SLC36A1: variants seen among roughly 807,000 people sequenced by gnomAD.
The protein encoded by SLC36A1 is solute carrier family 36 member 1, also known as proton-coupled amino acid transporter 1.
A neutral mutation model predicts 47.5 loss-of-function variants in SLC36A1; 30 were observed. The ratio of observed to expected loss-of-function variants is 0.63; its 90% confidence interval spans 0.47 to 0.86. The LOEUF (loss-of-function observed/expected upper bound fraction) is 0.86. Ranked by LOEUF, SLC36A1 falls within the 40% of genes least tolerant of loss-of-function variation. The probability of loss-of-function intolerance (pLI) is 0.00; values close to 1 mark genes in which losing one functional copy is unlikely to be tolerated. For missense variants in SLC36A1, 517 were observed against 606.0 expected (o/e 0.85, Z 1.54); for synonymous variants, 255 against 249.7 (o/e 1.02, Z -0.20).
At chr5:151,434,671 G>GA (rs148887813), upstream of SLC36A1, among the ~76,000 whole-genome samples, 182 of 152,254 alleles carry the variant, frequency 1.2e-3, no homozygotes, top group Non-Finnish European at 2.3e-3. Flanking sequence ...TAAGAAGGGG[G>GA]ATCTCTGGGA....
At chr5:151,397,026 T>C in the SLC36A1 span, among the ~76,000 whole-genome samples, 1 of 152,234 alleles carries the variant, frequency 6.6e-6, no homozygotes, top group African/African-American at 2.4e-5. Context: ...GTGAATTGTG[T>C]GCCATAAGCA....
At chr5:151,355,005 T>C in the SLC36A1 span, among the ~76,000 whole-genome samples, 1 of 152,128 alleles carries the variant, frequency 6.6e-6, no homozygotes, top group African/African-American at 2.4e-5. Flanking sequence ...AGGGAGACCA[T>C]GGTAAGTCCT....
At chr5:151,366,992 C>T in the SLC36A1 span, among the ~76,000 whole-genome samples, 2 of 152,066 alleles carry the variant, frequency 1.3e-5, no homozygotes, top group Non-Finnish European at 2.9e-5. Context: ...CTTCAAAGTG[C>T]AAAAAGCAGA....
the SLC36A1 span, among the ~76,000 whole-genome samples, chr5:151,350,385 C>A: frequency 6.6e-6 from 1 of 152,172 alleles, no homozygotes; most frequent in Non-Finnish European, 1.5e-5. Context: ...AGAGACAGAG[C>A]TTTGATTGGA....
rs143222532 is a variant in SLC36A1, at chr5:151,471,475, A to T, written c.724-2198A>T. 2.6e-5 allele frequency among the ~76,000 whole-genome samples: 4 copies of T among 152,274 alleles called. No homozygotes were observed. The East Asian group carries it at 7.7e-4, about 29-fold the overall frequency. On this transcript the variant is annotated intron_variant, in intron 7 of 10. Coordinates refer to ENST00000243389, the MANE Select transcript of SLC36A1 (RefSeq NM_078483.4). The stretch of plus-strand genomic sequence containing the variant: ...ATTCCCAGTCTGATACTTGAATCTG[A>T]TCTGATGTATGAATAAGAGCAGGAG...
At chr5:151,537,998 C>T in the SLC36A1 span, 3 of 1,555,336 alleles carry the variant, frequency 1.9e-6, no homozygotes, top group Non-Finnish European at 2.6e-6. Context: ...GCATTCAGAT[C>T]CAGAGAGAAG....
intron 1 of SLC36A1, among the ~76,000 whole-genome samples, chr5:151,457,108 T>C (rs1330543481): frequency 2.0e-5 from 3 of 152,126 alleles, no homozygotes; most frequent in Admixed American, 6.5e-5. Context: ...TTTTTGTCAC[T>C]TGGTTCTTGA....
the SLC36A1 span, among the ~76,000 whole-genome samples, chr5:151,414,021 A>G: frequency 6.6e-6 from 1 of 152,176 alleles, no homozygotes; most frequent in Non-Finnish European, 1.5e-5. Flanking sequence ...CAAAATACAC[A>G]TATAACAAAT....
chr5:151,467,316 AAAAAC>A, intron 6 of SLC36A1, 33 bp downstream of exon 6: 17 of 1,400,832 alleles, frequency 1.2e-5, no homozygotes, highest in Non-Finnish European at 1.4e-5. Flanking sequence ...AAAAAAAAAA[AAAAAC>A]CAGAGCGAGA....
At chr5:151,379,811 A>G in the SLC36A1 span, among the ~76,000 whole-genome samples, 1 of 152,246 alleles carries the variant, frequency 6.6e-6, no homozygotes, top group African/African-American at 2.4e-5. Flanking sequence ...TATTTATTTT[A>G]TACTTATGGC....
the SLC36A1 span, chr5:151,347,323 T>G: frequency 2.8e-5 from 45 of 1,614,254 alleles, no homozygotes; most frequent in African/African-American, 4.8e-4. Context: ...TCTTCAAGCC[T>G]GCTGACTCTG....
At chr5:151,392,209 T>C in the SLC36A1 span, among the ~76,000 whole-genome samples, 1 of 152,256 alleles carries the variant, frequency 6.6e-6, no homozygotes, top group Non-Finnish European at 1.5e-5. Context: ...TATACTATTC[T>C]CTGATGGTAG....
chr5:151,441,523 G>T lies in SLC36A1; in HGVS notation c.-6+4344G>T, dbSNP rs79898462. ...GTAAAAGTCTTAAGCAAAACAATAAGTACTGGTATTTATGATTTTAAATTT... is the reference window on the plus strand; with the variant it reads ...GTAAAAGTCTTAAGCAAAACAATAATTACTGGTATTTATGATTTTAAATTT... On this transcript the variant is annotated intron_variant, in intron 1 of 8. Coordinates refer to the SLC36A1 transcript ENST00000429484. Among the ~76,000 whole-genome samples, 555 of 152,162 alleles carry T rather than the reference G, an allele frequency of 3.6e-3. 5 individuals carry two copies. The highest frequency in any genetic ancestry group is 0.012 in the African/African-American group (492 of 41,506).
the SLC36A1 span, chr5:151,542,268 A>G: frequency 4.5e-6 from 7 of 1,569,726 alleles, no homozygotes; most frequent in Non-Finnish European, 5.2e-6. Context: ...CCTGCAGTCC[A>G]TGACAGGTGT....
At chr5:151,550,912 A>T in the SLC36A1 span, 1 of 1,592,088 alleles carries the variant, frequency 6.3e-7, no homozygotes, top group South Asian at 1.1e-5. Flanking sequence ...TGCAAGCCCC[A>T]GGGGAACAGG....
At position 151,467,882 on chromosome 5, in the gene SLC36A1, C is replaced by T. The variant is rs747755817; in HGVS notation, c.680C>T (p.Thr227Ile). The T allele has an allele frequency of 6.2e-7, 1 of 1,613,940 alleles. No individual in the cohort carries two copies. Among genetic ancestry groups the T allele is most frequent in the African/African-American group, 1.3e-5 (1 of 74,938 alleles). ...ATCTTCTCCCTGTTGGCCAACATCA[C>T]CATGCTGGTCAGCTTGGTCATGATC... ...LSIFSLLANI[T>I]MLVSLVMIYQ... The change falls in exon 7 of 11, where the codon ACC becomes ATC. Residue 227 changes from threonine to isoleucine, a missense_variant. Coordinates refer to ENST00000243389, the MANE Select transcript of SLC36A1 (RefSeq NM_078483.4).
At chr5:151,349,550 T>C in the SLC36A1 span, among the ~76,000 whole-genome samples, 3 of 152,050 alleles carry the variant, frequency 2.0e-5, no homozygotes, top group South Asian at 2.1e-4. Flanking sequence ...GGATACTAGA[T>C]TGTAGATGAC....
chr5:151,467,262 T>A lies in SLC36A1; in HGVS notation c.483T>A (p.Phe161Leu). ...GATTCTGCTGTGTCTATTTTGTGTT[T>A]CTGGCTGACAACTTTAAACAGGTAG... ...QLGFCCVYFV[F>L]LADNFKQVIE... Residue 161 changes from phenylalanine (F) to leucine (L), a missense_variant, in exon 6 of 11, where the codon TTT becomes TTA. Coordinates refer to ENST00000243389, the MANE Select transcript of SLC36A1 (RefSeq NM_078483.4). The A allele has an allele frequency of 6.2e-7, 1 of 1,609,782 alleles. No individual in the cohort carries two copies. Among genetic ancestry groups the A allele is most frequent in the African/African-American group, 1.3e-5 (1 of 74,596 alleles).
chr5:151,385,861 T>C, the SLC36A1 span, among the ~76,000 whole-genome samples: 1 of 124,136 alleles, frequency 8.1e-6, no homozygotes, highest in South Asian at 2.8e-4. Context: ...AACAGAGGTT[T>C]CCTTCTGTAT....
Sources: allele counts gnomAD v4.1 joint callset (sites outside exome capture counted in the v4.1 genomes callset), GRCh38; gene constraint gnomAD v4.1.1; transcripts MANE v1.5; gene names NCBI Gene and HGNC (gene_info 2026-07-23, HGNC 2026-07-21).